The following VWA3B variants were observed in gnomAD, a reference collection of about 807,000 sequenced individuals.
VWA3B encodes the protein von Willebrand factor A domain-containing protein 3B.
In VWA3B, 138 loss-of-function variants were observed where a neutral mutation model predicts 158.3. The ratio of observed to expected loss-of-function variants is 0.87; its 90% CI spans 0.76 to 1.00. The LOEUF (loss-of-function observed/expected upper bound fraction) is 1.00. Among genes scored for constraint, VWA3B ranks in the 50% least tolerant of loss-of-function variants. The probability of loss-of-function intolerance (pLI) is 0.00; values close to 1 mark genes in which losing one functional copy is unlikely to be tolerated. For synonymous variants in VWA3B, 596 were observed against 587.3 expected (o/e 1.01, Z -0.21); for missense variants, 1,555 against 1,565.1 (o/e 0.99, Z 0.11).
intron 25 of VWA3B, among the ~76,000 whole-genome samples, chr2:98,302,931 C>T (rs916695054): frequency 5.9e-5 from 9 of 152,228 alleles, no homozygotes; most frequent in African/African-American, 2.2e-4. Flanking sequence ...ACAGGGCAAG[C>T]GGAGAAGGAG....
chr2:98,302,676 G>A (rs915523546), intron 25 of VWA3B, among the ~76,000 whole-genome samples: 4 of 152,168 alleles, frequency 2.6e-5, no homozygotes, highest in Non-Finnish European at 5.9e-5. Flanking sequence ...TGAAGCAAGA[G>A]GTTAAAGCAC....
chr2:98,242,109 G>A (rs978922080), intron 19 of VWA3B: 26 of 344,728 alleles, frequency 7.5e-5, no homozygotes, highest in Admixed American at 3.2e-4. Context: ...TCTTAATTGC[G>A]TCCTCCTCCT....
intron 7 of VWA3B, among the ~76,000 whole-genome samples, chr2:98,148,194 T>C (rs1677332656): frequency 1.3e-5 from 2 of 152,180 alleles, no homozygotes; most frequent in African/African-American, 4.8e-5. Context: ...TCATGTTGAA[T>C]TGCTTTCCAA....
intron 8 of VWA3B, among the ~76,000 whole-genome samples, chr2:98,175,784 C>G (rs138607732): frequency 3.2e-4 from 48 of 152,292 alleles, no homozygotes; most frequent in Non-Finnish European, 6.3e-4. Context: ...CTGTTGAAAG[C>G]CCGTGGGGTG....
At chr2:98,284,681 G>A (rs962395635) in intron 22 of VWA3B, among the ~76,000 whole-genome samples, 1 of 152,100 alleles carries the variant, frequency 6.6e-6, no homozygotes, top group African/African-American at 2.4e-5. Context: ...ACTTTATATT[G>A]GACTTTGTGT....
At chr2:98,191,953 G>A (rs1178170392) in intron 10 of VWA3B, among the ~76,000 whole-genome samples, 1 of 152,148 alleles carries the variant, frequency 6.6e-6, no homozygotes, top group African/African-American at 2.4e-5. Flanking sequence ...TTTGCTTGCA[G>A]CTACGAATTT....
At chr2:98,232,765 A>G (rs945003556) in intron 16 of VWA3B, among the ~76,000 whole-genome samples, 2 of 151,928 alleles carry the variant, frequency 1.3e-5, no homozygotes, top group Non-Finnish European at 2.9e-5. Context: ...GGTATTGTTA[A>G]TATTTTGGTG....
intron 1 of VWA3B, among the ~76,000 whole-genome samples, chr2:98,092,069 C>T (rs1682331433): frequency 2.0e-5 from 3 of 152,188 alleles, no homozygotes; most frequent in South Asian, 2.1e-4. Flanking sequence ...ATGCTTAAGT[C>T]CAATTGTAGA....
chr2:98,178,161 G>A (rs911895877), intron 8 of VWA3B, among the ~76,000 whole-genome samples: 6 of 152,088 alleles, frequency 3.9e-5, no homozygotes, highest in African/African-American at 7.2e-5. Flanking sequence ...GTGTGCAGGC[G>A]AACCCCAGGG....
chr2:98,143,727 C>G (rs561432481), intron 7 of VWA3B, among the ~76,000 whole-genome samples: 1 of 149,198 alleles, frequency 6.7e-6, no homozygotes, highest in African/African-American at 2.5e-5. Flanking sequence ...CTAACTGGAG[C>G]TTTAGCTTTC....
chr2:98,117,823 C>T (rs1392831802), intron 3 of VWA3B, among the ~76,000 whole-genome samples: 1 of 148,724 alleles, frequency 6.7e-6, no homozygotes, highest in African/African-American at 2.5e-5. Flanking sequence ...CATCTCAGCT[C>T]ACTCCGCCTC....
rs117722383 is a variant in VWA3B at position 98,140,524 on chromosome 2, A to C, written c.988+6585A>C. ...CCACTCCTGGGGCACTGAATGGGGG[A>C]GGTGGGTGTTCCGTTAAGGAGGCAG... On this transcript the variant is annotated intron_variant, in intron 7 of 27. Transcript: ENST00000477737. 1.2e-4 allele frequency among the ~76,000 whole-genome samples: 19 copies of C among 152,004 alleles called. No individual in the cohort carries two copies. In the East Asian group the frequency reaches 3.7e-3, roughly 30 times the overall value.
chr2:98,265,452 A>G (rs1558741528), intron 21 of VWA3B, among the ~76,000 whole-genome samples: 2 of 152,054 alleles, frequency 1.3e-5, no homozygotes, highest in African/African-American at 2.4e-5. Flanking sequence ...ATTGATGGAC[A>G]TTTGGGTTGG....
chr2:98,130,478 G>C (rs1675773250), intron 6 of VWA3B, among the ~76,000 whole-genome samples: 1 of 152,190 alleles, frequency 6.6e-6, no homozygotes, highest in African/African-American at 2.4e-5. Flanking sequence ...ATTTCAGACT[G>C]TCACATGGGG....
At chr2:98,232,754 T>C (rs1326731525) in intron 16 of VWA3B, among the ~76,000 whole-genome samples, 2 of 152,180 alleles carry the variant, frequency 1.3e-5, no homozygotes, top group Non-Finnish European at 2.9e-5. Context: ...ACAGGCTCTG[T>C]GGTATTGTTA....
chr2:98,193,084 T>A, intron 11 of VWA3B, 48 bp downstream of exon 11: 1 of 1,575,500 alleles, frequency 6.3e-7, no homozygotes, highest in African/African-American at 1.3e-5. Flanking sequence ...GTGTATCAGA[T>A]GGTTATGAGC....
intron 7 of VWA3B, among the ~76,000 whole-genome samples, chr2:98,138,339 C>G (rs1030414157): frequency 6.6e-6 from 1 of 152,166 alleles, no homozygotes; most frequent in African/African-American, 2.4e-5. Context: ...AGGACAGTAC[C>G]TTTTAATGGT....
At chr2:98,170,645 T>C (rs555314953) in intron 8 of VWA3B, among the ~76,000 whole-genome samples, 6 of 151,690 alleles carry the variant, frequency 4.0e-5, no homozygotes, top group African/African-American at 1.4e-4. Flanking sequence ...TATCGCTCTG[T>C]CACCAGGCTG....
intron 8 of VWA3B, among the ~76,000 whole-genome samples, chr2:98,175,323 A>G (rs910828149): frequency 2.0e-5 from 3 of 152,240 alleles, no homozygotes; most frequent in Admixed American, 6.5e-5. Context: ...TAGGAAGTAT[A>G]AGAACACTGT....
Sources: allele counts gnomAD v4.1 joint callset (sites outside exome capture counted in the v4.1 genomes callset), GRCh38; gene constraint gnomAD v4.1.1; transcripts MANE v1.5; gene names NCBI Gene and HGNC (gene_info 2026-07-23, HGNC 2026-07-21).